The following PDXDC1 variants were observed in gnomAD, a reference collection of about 807,000 sequenced individuals.
PDXDC1 encodes the protein pyridoxal dependent decarboxylase domain containing 1, also known as pyridoxal-dependent decarboxylase domain-containing protein 1.
PDXDC1 carries 42 observed loss-of-function variants against 100.1 expected under a neutral mutation model. That is an observed-to-expected ratio of 0.42 (90% CI 0.33 to 0.54). The LOEUF (loss-of-function observed/expected upper bound fraction) is 0.54, where lower values mean the gene tolerates loss of function less well. Among genes scored for constraint, PDXDC1 ranks in the 20% least tolerant of loss-of-function variants. The probability of loss-of-function intolerance (pLI) is 0.10; values close to 1 mark genes in which losing one functional copy is unlikely to be tolerated. For synonymous variants in PDXDC1, 260 were observed against 371.7 expected, an observed-to-expected ratio of 0.70 and a Z score of 3.46; for missense variants, 636 against 979.2, an observed-to-expected ratio of 0.65 and a Z score of 4.68.
intron 17 of PDXDC1, 192 bp from the exon 18 acceptor site, chr16:15,032,669 A>AG: frequency 2.2e-6 from 1 of 448,488 alleles, no homozygotes; most frequent in Non-Finnish European, 3.9e-6. Flanking sequence ...AAAAAAAAAA[A>AG]GGCTTTCCTG....
At chr16:14,992,497 A>C (rs1971072594) in intron 1 of PDXDC1, among the ~76,000 whole-genome samples, 1 of 152,288 alleles carries the variant, frequency 6.6e-6, no homozygotes, top group African/African-American at 2.4e-5. Context: ...GTGAAGATAA[A>C]TTCTCTTGAC....
intron 16 of PDXDC1, among the ~76,000 whole-genome samples, chr16:15,046,725 G>T (rs948689572): frequency 2.6e-5 from 2 of 76,390 alleles, no homozygotes; most frequent in Non-Finnish European, 5.1e-5. Context: ...AAAAAAAAAA[G>T]CTAGCTGGGT....
At chr16:15,127,458 G>A (rs780234648) in intron 16 of PDXDC1, 3 of 1,554,374 alleles carry the variant, frequency 1.9e-6, no homozygotes, top group Non-Finnish European at 2.6e-6. Flanking sequence ...CCGGTCCCCA[G>A]CCCCAGCCCA....
chr16:15,038,283 A>ATCTT lies in PDXDC1; in HGVS notation c.*2010_*2013dup, dbSNP rs1370693133. The ATCTT allele has an allele frequency of 1.3e-4, 144 of 1,089,920 alleles. No homozygotes were observed. The highest frequency in any genetic ancestry group is 4.0e-4 in the South Asian group (27 of 67,640). 67.5% of individuals were successfully genotyped at this position (1,089,920 alleles called of 1,614,324 possible). A position where few individuals can be genotyped will look rare whatever the true frequency, so the allele number is the denominator to read the frequency against. On this transcript the variant is annotated 3_prime_UTR_variant, in exon 23 of 23. Transcript: ENST00000396410. ...CCTGCTGTGATAAAGATGTCAAAGT[A>ATCTT]TCTTTGTTCTTGGACACAAATATAT...
At chr16:15,133,944 G>A (rs1390764294) in intron 16 of PDXDC1, 16 of 1,421,526 alleles carry the variant, frequency 1.1e-5, no homozygotes, top group East Asian at 7.1e-5. Flanking sequence ...CACCGTCAGC[G>A]TGAAGGTGTA....
chr16:15,089,307 G>A (rs371778095), intron 16 of PDXDC1, among the ~76,000 whole-genome samples: 2 of 151,896 alleles, frequency 1.3e-5, no homozygotes, highest in African/African-American at 4.8e-5. Flanking sequence ...CCCCAAAAAC[G>A]AAAATGAAAT....
chr16:15,040,034 C>T, downstream of PDXDC1: 2 of 1,610,358 alleles, frequency 1.2e-6, no homozygotes, highest in Non-Finnish European at 1.7e-6. Flanking sequence ...TGAAAGGATG[C>T]TCTGTAAATC....
In PDXDC1 at chr16:15,022,378, C is replaced by T. The variant is rs147146871; in HGVS notation, c.1090-326C>T. On this transcript the variant is annotated intron_variant, in intron 12 of 22. Transcript: ENST00000396410. ...GAGCGTGCTGCATCCTCTCATTTGTCGTTGGTCTCCCCTAGTGTTCAGTAC... is the reference window on the plus strand; with the variant it reads ...GAGCGTGCTGCATCCTCTCATTTGTTGTTGGTCTCCCCTAGTGTTCAGTAC... 9.2e-5 allele frequency among the ~76,000 whole-genome samples: 14 copies of T among 152,352 alleles called. No individual in the cohort carries two copies. The South Asian group carries it at 1.0e-3, about 11-fold the overall frequency.
chr16:15,094,218 G>A, intron 16 of PDXDC1: 5 of 1,593,930 alleles, frequency 3.1e-6, no homozygotes, highest in Non-Finnish European at 3.4e-6. Context: ...CGCGTGTGAA[G>A]CAGCGGTGCC....
At chr16:15,133,177 CCTCCGCAAAG>C (rs2048190813) in intron 16 of PDXDC1, 1 of 968,930 alleles carries the variant, frequency 1.0e-6, no homozygotes, top group African/African-American at 1.6e-5. Context: ...CGGGATAAGC[CCTCCGCAAAG>C]CTCCAGGCAG....
intron 16 of PDXDC1, chr16:15,055,918 G>A: frequency 1.6e-6 from 2 of 1,232,852 alleles, no homozygotes; most frequent in South Asian, 3.9e-5. Context: ...CTCGGACGAG[G>A]TCCCCGGCTG....
intron 16 of PDXDC1, chr16:15,076,639 G>C: frequency 6.2e-7 from 1 of 1,607,948 alleles, no homozygotes. Context: ...TACCCTGCCG[G>C]GATGCATTCA....
intron 2 of PDXDC1, 122 bp from the exon 3 acceptor site, chr16:14,998,218 T>G: frequency 1.2e-6 from 1 of 855,232 alleles, no homozygotes; most frequent in Non-Finnish European, 1.8e-6. Flanking sequence ...GTGATAAATG[T>G]GTTTGAAATC....
chr16:15,048,121 A>T, intron 16 of PDXDC1: 1 of 1,483,750 alleles, frequency 6.7e-7, no homozygotes, highest in Non-Finnish European at 9.3e-7. Context: ...AAAAAAAAAT[A>T]AAATAGTGAT....
At position 15,031,839 on chromosome 16, in the gene PDXDC1, G is replaced by T. The variant is rs2043085043; in HGVS notation, c.1504G>T (p.Glu502Ter). 6.2e-7 allele frequency: 1 copy of T among 1,613,998 alleles called. No individual in the cohort carries two copies. ...TLQLREEFKQ[E>*]VEATAGLLYV... ...CCAGTTGCGTGAAGAGTTCAAGCAG[G>T]AAGTGGAAGCAACAGCAGGTCTCCT... Residue 502 changes from glutamate to a stop codon, truncating the protein, a stop_gained, in exon 17 of 23, where the codon GAA (glutamate) becomes TAA (stop). Coordinates refer to ENST00000396410, the MANE Select transcript of PDXDC1 (RefSeq NM_015027.4). LOFTEE classifies it high-confidence loss of function.
chr16:15,077,634 G>C (rs1321009351), intron 16 of PDXDC1, among the ~76,000 whole-genome samples: 13 of 152,206 alleles, frequency 8.5e-5, no homozygotes. Flanking sequence ...GAGGTCAGGA[G>C]ATTGAGACCA....
At chr16:15,122,135 G>A (rs1344522538) in intron 16 of PDXDC1, among the ~76,000 whole-genome samples, 1 of 152,084 alleles carries the variant, frequency 6.6e-6, no homozygotes, top group Non-Finnish European at 1.5e-5. Context: ...CTGCACTCCA[G>A]CCTGGGCGAC....
At chr16:15,047,940 A>G (rs754491894) in intron 16 of PDXDC1, 2 of 1,610,492 alleles carry the variant, frequency 1.2e-6, no homozygotes, top group South Asian at 2.2e-5. Flanking sequence ...AAAGAAATAA[A>G]ATAAAATATC....
downstream of PDXDC1, among the ~76,000 whole-genome samples, chr16:15,142,238 C>T (rs1021531049): frequency 6.6e-6 from 1 of 152,132 alleles, no homozygotes; most frequent in South Asian, 2.1e-4. Flanking sequence ...ACCCCAGAGC[C>T]CCCCCGCTCC....
Sources: gnomAD v4.1 joint callset for allele counts (sites outside exome capture counted in the v4.1 genomes callset) on GRCh38, gnomAD v4.1.1 for gene constraint, MANE v1.5 for transcripts, NCBI Gene and HGNC (gene_info 2026-07-23, HGNC 2026-07-21) for gene names.